Variants in CNTN4 observed in about 807,000 individuals in gnomAD.
CNTN4 encodes contactin-4.
Under a neutral mutation model 122.5 loss-of-function variants are expected in CNTN4, and 77 were observed. The ratio of observed to expected loss-of-function variants is 0.63; its 90% CI spans 0.52 to 0.76. The LOEUF is 0.76. Among genes scored for constraint, CNTN4 ranks in the 30% least tolerant of loss-of-function variants. The pLI is 0.00. For missense variants in CNTN4, 1,256 were observed against 1,259.1 expected (o/e 1.00, Z 0.04); for synonymous variants, 512 against 447.0 (o/e 1.15, Z -1.83).
At chr3:2,303,717 C>G (rs2042605838) in intron 2 of CNTN4, among the ~76,000 whole-genome samples, 1 of 152,134 alleles carries the variant, frequency 6.6e-6, no homozygotes, top group Non-Finnish European at 1.5e-5. Context: ...CTCCGTTGTT[C>G]AGCGCTGCTA....
chr3:2,160,624 A>T (rs952529764), intron 2 of CNTN4, among the ~76,000 whole-genome samples: 1 of 152,164 alleles, frequency 6.6e-6, no homozygotes, highest in Non-Finnish European at 1.5e-5. Context: ...TCTCATAATC[A>T]TCACTCTGAT....
rs570565201 is a variant in CNTN4 at position 2,771,911 on chromosome 3, A to G, written c.358+26214A>G. ...AGTCTTGACAGATGGTTGATAGTTA[A>G]AGAGGCCAAGAGAGCTGGCAGGGTG... On this transcript the variant is annotated intron_variant, in intron 6 of 24. Transcript: ENST00000418658. 9.8e-5 allele frequency among the ~76,000 whole-genome samples: 15 copies of G among 152,310 alleles called. 1 individual carries two copies. The Middle Eastern group carries it at 0.01, about 104-fold the overall frequency.
At chr3:2,964,244 C>T (rs571756936) in intron 13 of CNTN4, among the ~76,000 whole-genome samples, 24 of 152,218 alleles carry the variant, frequency 1.6e-4, no homozygotes, top group Admixed American at 3.3e-4. Context: ...CCAAAGTAAT[C>T]GGCAATTTCA....
intron 7 of CNTN4, among the ~76,000 whole-genome samples, chr3:2,848,338 C>G (rs2093490673): frequency 6.6e-6 from 1 of 152,094 alleles, no homozygotes; most frequent in South Asian, 2.1e-4. Context: ...GCAGAGATTC[C>G]AGGGATATGT....
chr3:2,397,046 G>A (rs994826524), intron 3 of CNTN4, among the ~76,000 whole-genome samples: 5 of 152,170 alleles, frequency 3.3e-5, no homozygotes, highest in African/African-American at 1.2e-4. Context: ...TTTGAAGGAT[G>A]GAGTTGTTTC....
In CNTN4 at chr3:2,616,047, C is replaced by T. The variant is rs190963768; in HGVS notation, c.55+44489C>T. ...TTTTTTTTTTTTTAACATTAAGTTCCGGTATACATGTGCAGAATGTGCAGT... is the reference window on the plus strand; with the variant it reads ...TTTTTTTTTTTTTAACATTAAGTTCTGGTATACATGTGCAGAATGTGCAGT... On this transcript the variant is annotated intron_variant, in intron 4 of 24. Transcript: ENST00000418658. Among the ~76,000 whole-genome samples the T allele has an allele frequency of 8.7e-5, 13 of 149,216 alleles. No homozygotes were observed. The East Asian group carries it at 1.4e-3, about 16-fold the overall frequency.
intron 3 of CNTN4, among the ~76,000 whole-genome samples, chr3:2,348,024 T>C (rs1219940431): frequency 6.6e-6 from 1 of 152,218 alleles, no homozygotes; most frequent in Admixed American, 6.5e-5. Context: ...TGGTAGTTTT[T>C]ATTTCCACAT....
At chr3:2,537,320 A>G (rs558086983) in intron 3 of CNTN4, among the ~76,000 whole-genome samples, 12 of 152,176 alleles carry the variant, frequency 7.9e-5, no homozygotes, top group South Asian at 6.2e-4. Flanking sequence ...GGTCTGAGAC[A>G]GTGTCTCCAA....
chr3:2,499,319 G>T (rs974171827), intron 3 of CNTN4, among the ~76,000 whole-genome samples: 2 of 152,082 alleles, frequency 1.3e-5, no homozygotes, highest in African/African-American at 4.8e-5. Context: ...TATTGCTTTT[G>T]TACCTTTCTC....
chr3:2,707,712 T>C (rs1237964120), intron 4 of CNTN4, among the ~76,000 whole-genome samples: 3 of 152,142 alleles, frequency 2.0e-5, no homozygotes, highest in African/African-American at 7.2e-5. Context: ...GGCTTGATCA[T>C]AGCTCACTGT....
At position 2,125,903 on chromosome 3, in the gene CNTN4, GTGTGTGTGTGTGTGTGTGTGTGTGTA is replaced by G. The variant is rs201130743; in HGVS notation, c.-145+25272_-145+25297del. ...CTCAGTTTTTATTTCTGGTGTGTGT[GTGTGTGTGTGTGTGTGTGTGTGTGTA>G]TGTGTGTATGTGTGTGTGTTTTAAT... On this transcript the variant is annotated intron_variant, in intron 2 of 24. Transcript: ENST00000418658. 4.7e-5 allele frequency among the ~76,000 whole-genome samples: 7 copies of G among 150,088 alleles called. No individual in the cohort carries two copies. The East Asian group carries it at 1.2e-3, about 25-fold the overall frequency.
chr3:2,889,552 G>C lies in CNTN4; in HGVS notation c.940+2328G>C, dbSNP rs115563639. ...ATGGCTGTGTATTTTTAACTGTGTA[G>C]GGCTCGTTTTTCTCACCAATGTAAT... On this transcript the variant is annotated intron_variant, in intron 10 of 24. Transcript: ENST00000418658. 3.2e-3 allele frequency among the ~76,000 whole-genome samples: 487 copies of C among 152,220 alleles called. 4 individuals carry two copies. Among genetic ancestry groups the C allele is most frequent in the African/African-American group, 0.011 (468 of 41,544 alleles).
At chr3:2,244,301 G>T (rs1314441662) in intron 2 of CNTN4, among the ~76,000 whole-genome samples, 1 of 151,832 alleles carries the variant, frequency 6.6e-6, no homozygotes, top group East Asian at 1.9e-4. Flanking sequence ...ACCTATTTTT[G>T]GACTGTGGGT....
At chr3:2,725,037 G>T (rs1456189126) in intron 4 of CNTN4, among the ~76,000 whole-genome samples, 2 of 152,138 alleles carry the variant, frequency 1.3e-5, no homozygotes, top group Non-Finnish European at 2.9e-5. Flanking sequence ...AGATCTTCTA[G>T]ATCATTTATA....
intron 4 of CNTN4, among the ~76,000 whole-genome samples, chr3:2,606,102 G>A (rs1004850930): frequency 2.0e-5 from 3 of 152,090 alleles, no homozygotes; most frequent in Non-Finnish European, 4.4e-5. Context: ...TGGGTAATAG[G>A]GGAAGATATG....
At chr3:2,940,739 A>AAAG (rs10687644) in intron 13 of CNTN4, among the ~76,000 whole-genome samples, 112,134 of 151,524 alleles carry the variant, frequency 0.74, 41,691 homozygotes, top group Middle Eastern at 0.89. Context: ...GTTAAGGGTA[A>AAAG]AAGGAGTTGA....
chr3:3,008,310 G>A (rs551657989), intron 14 of CNTN4, among the ~76,000 whole-genome samples: 1 of 152,116 alleles, frequency 6.6e-6, no homozygotes, highest in South Asian at 2.1e-4. Flanking sequence ...CTAAATGAGC[G>A]TTAGGCCACA....
intron 6 of CNTN4, among the ~76,000 whole-genome samples, chr3:2,790,778 G>A (rs1458010533): frequency 1.3e-5 from 2 of 151,494 alleles, no homozygotes; most frequent in Non-Finnish European, 3.0e-5. Flanking sequence ...TTCATAACTT[G>A]TGCATTTCCT....
chr3:2,524,189 T>A (rs961601890), intron 3 of CNTN4, among the ~76,000 whole-genome samples: 1 of 152,110 alleles, frequency 6.6e-6, no homozygotes, highest in African/African-American at 2.4e-5. Flanking sequence ...AATAATCTCT[T>A]TCTCTGTGCC....
Sources: gnomAD v4.1 joint callset for allele counts (sites outside exome capture counted in the v4.1 genomes callset) on GRCh38, gnomAD v4.1.1 for gene constraint, MANE v1.5 for transcripts, NCBI Gene and HGNC (gene_info 2026-07-23, HGNC 2026-07-21) for gene names.